Variants in NKAIN2 observed in about 807,000 individuals in gnomAD.
NKAIN2 encodes the protein sodium/potassium transporting ATPase interacting 2.
In NKAIN2, 14 loss-of-function variants were observed where a neutral mutation model predicts 32.6. The observed-to-expected ratio is 0.43, with a 90% CI of 0.28 to 0.67. The LOEUF is 0.67. Among genes scored for constraint, NKAIN2 ranks in the 30% least tolerant of loss-of-function variants. The pLI is 0.17. For synonymous variants in NKAIN2, 80 were observed against 87.2 expected (o/e 0.92, Z 0.46); for missense variants, 198 against 258.3 (o/e 0.77, Z 1.60).
chr6:124,680,353 T>A (rs1335329381), intron 4 of NKAIN2, among the ~76,000 whole-genome samples: 1 of 152,136 alleles, frequency 6.6e-6, no homozygotes, highest in Non-Finnish European at 1.5e-5. Context: ...ATGAGTGGAA[T>A]TGACATCTAG....
At chr6:123,864,937 C>T (rs1291492247) in intron 1 of NKAIN2, among the ~76,000 whole-genome samples, 1 of 152,060 alleles carries the variant, frequency 6.6e-6, no homozygotes, top group Non-Finnish European at 1.5e-5. Context: ...GGTTAATTAT[C>T]TGTGCTTTTG....
intron 1 of NKAIN2, among the ~76,000 whole-genome samples, chr6:124,219,268 CTTTTTTCT>C (rs1172208496): frequency 1.5e-5 from 2 of 129,386 alleles, no homozygotes; most frequent in African/African-American, 5.8e-5. Context: ...TTTTTATTTT[CTTTTTTCT>C]TTTTTTCTTT....
At chr6:124,176,270 A>G (rs1180158739) in intron 1 of NKAIN2, among the ~76,000 whole-genome samples, 1 of 152,180 alleles carries the variant, frequency 6.6e-6, no homozygotes, top group Non-Finnish European at 1.5e-5. Context: ...CATGGTTACT[A>G]CAGACCTTCG....
At chr6:124,650,102 T>C (rs1456128050) in intron 3 of NKAIN2, among the ~76,000 whole-genome samples, 1 of 152,176 alleles carries the variant, frequency 6.6e-6, no homozygotes, top group African/African-American at 2.4e-5. Flanking sequence ...GCAGGGTTAT[T>C]CCCTCTCACT....
intron 1 of NKAIN2, among the ~76,000 whole-genome samples, chr6:123,844,993 T>C (rs6569366): frequency 0.16 from 24,702 of 152,162 alleles, 2,537 homozygotes; most frequent in East Asian, 0.47. Context: ...TAACATTATC[T>C]GAGAAGAAAT....
chr6:124,114,812 A>C (rs965094479), intron 1 of NKAIN2, among the ~76,000 whole-genome samples: 1 of 152,152 alleles, frequency 6.6e-6, no homozygotes, highest in Admixed American at 6.6e-5. Flanking sequence ...TTCTTAGGGA[A>C]CAAAAGGTTG....
At chr6:124,570,654 G>A (rs1781092005) in intron 3 of NKAIN2, among the ~76,000 whole-genome samples, 1 of 152,222 alleles carries the variant, frequency 6.6e-6, no homozygotes. Flanking sequence ...CAGAAGATGA[G>A]TGGAAAAGCC....
At chr6:124,648,393 A>AG (rs747243558) in intron 3 of NKAIN2, among the ~76,000 whole-genome samples, 6 of 152,220 alleles carry the variant, frequency 3.9e-5, no homozygotes, top group Admixed American at 1.3e-4. Flanking sequence ...AAAAATAGGG[A>AG]GAAAAAATTG....
intron 3 of NKAIN2, among the ~76,000 whole-genome samples, chr6:124,562,909 T>TC (rs1396067350): frequency 6.7e-6 from 1 of 150,192 alleles, no homozygotes; most frequent in African/African-American, 2.4e-5. Context: ...TGTTTCTTTT[T>TC]TTTTTTTTTT....
intron 1 of NKAIN2, among the ~76,000 whole-genome samples, chr6:123,901,912 A>G (rs977576359): frequency 6.6e-6 from 1 of 152,182 alleles, no homozygotes; most frequent in African/African-American, 2.4e-5. Context: ...TTTAAAATGA[A>G]GACTTAAAAA....
intron 1 of NKAIN2, among the ~76,000 whole-genome samples, chr6:123,865,559 T>A (rs1490431117): frequency 1.3e-5 from 2 of 152,230 alleles, no homozygotes; most frequent in Non-Finnish European, 2.9e-5. Flanking sequence ...ATTTTTGTTA[T>A]ATGTTTTATT....
chr6:124,250,016 G>A (rs1421821559), intron 1 of NKAIN2, among the ~76,000 whole-genome samples: 2 of 152,086 alleles, frequency 1.3e-5, no homozygotes, highest in Non-Finnish European at 2.9e-5. Context: ...TCTCCAATGT[G>A]AGGACATTTG....
intron 1 of NKAIN2, among the ~76,000 whole-genome samples, chr6:124,098,268 A>G (rs1784727737): frequency 6.6e-6 from 1 of 152,208 alleles, no homozygotes. Context: ...ATGATTTTCC[A>G]CATGACTTAA....
At chr6:124,550,666 C>T (rs1780254058) in intron 3 of NKAIN2, among the ~76,000 whole-genome samples, 1 of 152,078 alleles carries the variant, frequency 6.6e-6, no homozygotes, top group African/African-American at 2.4e-5. Context: ...GAAAAATTGA[C>T]TATGCAGGAA....
intron 1 of NKAIN2, among the ~76,000 whole-genome samples, chr6:124,261,295 A>T (rs551940072): frequency 1.2e-4 from 18 of 152,278 alleles, no homozygotes; most frequent in East Asian, 3.9e-4. Context: ...TATGCAAGAA[A>T]ACTAAGCATG....
intron 1 of NKAIN2, among the ~76,000 whole-genome samples, chr6:123,901,771 G>A (rs900629342): frequency 6.6e-6 from 1 of 152,056 alleles, no homozygotes. Flanking sequence ...ACAACAGACT[G>A]TTATTGTAAC....
chr6:124,555,627 C>T (rs1780446181), intron 3 of NKAIN2, among the ~76,000 whole-genome samples: 1 of 152,144 alleles, frequency 6.6e-6, no homozygotes, highest in Non-Finnish European at 1.5e-5. Flanking sequence ...TTCTTTGTTT[C>T]TCATTGTACT....
chr6:124,617,180 G>C (rs1245366048), intron 3 of NKAIN2, among the ~76,000 whole-genome samples: 2 of 152,138 alleles, frequency 1.3e-5, no homozygotes, highest in Admixed American at 1.3e-4. Flanking sequence ...ACAAATAGTT[G>C]CTCTTTTAGG....
At chr6:124,802,941 C>T (rs1780332102) in intron 5 of NKAIN2, among the ~76,000 whole-genome samples, 2 of 152,186 alleles carry the variant, frequency 1.3e-5, no homozygotes, top group Non-Finnish European at 2.9e-5. Flanking sequence ...TTGCACATCA[C>T]TTGTGCTTAG....
Sources: gnomAD v4.1 joint callset for allele counts (sites outside exome capture counted in the v4.1 genomes callset) on GRCh38, gnomAD v4.1.1 for gene constraint, MANE v1.5 for transcripts, NCBI Gene and HGNC (gene_info 2026-07-23, HGNC 2026-07-21) for gene names.